NEBL: variants seen among roughly 807,000 people sequenced by gnomAD.
NEBL encodes nebulette, also known as LIM and SH3 protein 2.
In NEBL, 122 loss-of-function variants were observed where a neutral mutation model predicts 140.2. The observed-to-expected ratio is 0.87, with a 90% confidence interval of 0.75 to 1.01. The LOEUF (loss-of-function observed/expected upper bound fraction) is 1.01, where lower values mean the gene tolerates loss of function less well. Among genes scored for constraint, NEBL ranks in the 50% least tolerant of loss-of-function variants. NEBL has a pLI of 0.00. For synonymous variants in NEBL, 436 were observed against 398.9 expected, an observed-to-expected ratio of 1.09 and a Z score of -1.11; for missense variants, 1,365 against 1,231.3, an observed-to-expected ratio of 1.11 and a Z score of -1.62.
At chr10:21,289,050 T>TC (rs1453569134) in intron 1 of NEBL, among the ~76,000 whole-genome samples, 1 of 151,146 alleles carries the variant, frequency 6.6e-6, no homozygotes, top group Non-Finnish European at 1.5e-5. Context: ...GGTTTCACCA[T>TC]CTTGGCCAGG....
At chr10:21,175,586 A>T (rs866985066), upstream of NEBL, among the ~76,000 whole-genome samples, 1 of 152,356 alleles carries the variant, frequency 6.6e-6, no homozygotes, top group Middle Eastern at 3.4e-3. Context: ...TGATGGACAT[A>T]TTCATAATAA....
At chr10:20,969,903 C>T (rs547202090) in intron 3 of NEBL, among the ~76,000 whole-genome samples, 5 of 152,184 alleles carry the variant, frequency 3.3e-5, no homozygotes, top group East Asian at 3.9e-4. Context: ...ACCCCTAAGA[C>T]ACTCAAGTGT....
In NEBL at chr10:21,117,668, G is replaced by A. The variant is rs945519425; in HGVS notation, c.164+54715C>T. The stretch of plus-strand genomic sequence containing the variant: ...TGCCTAGTTATTCTTAGTATGTTAC[G>A]TTGAGAGAGTAATTTCAATCCTTTT... On this transcript the variant is annotated intron_variant, in intron 2 of 6. Coordinates refer to the NEBL transcript ENST00000417816. 5.3e-5 allele frequency among the ~76,000 whole-genome samples: 8 copies of A among 152,216 alleles called. No homozygotes were observed. The Middle Eastern group carries it at 0.01, about 194-fold the overall frequency.
intron 11 of NEBL, among the ~76,000 whole-genome samples, chr10:20,845,815 G>A (rs1841881715): frequency 6.6e-6 from 1 of 152,118 alleles, no homozygotes; most frequent in Non-Finnish European, 1.5e-5. Context: ...TTCTTCATCA[G>A]ACTTTTGCAA....
At chr10:21,047,677 T>TA (rs1834583144) in intron 2 of NEBL, among the ~76,000 whole-genome samples, 1 of 152,164 alleles carries the variant, frequency 6.6e-6, no homozygotes, top group South Asian at 2.1e-4. Flanking sequence ...AATCTGTGCC[T>TA]AAAATAACCT....
At chr10:21,142,962 T>G (rs1207249058) in intron 2 of NEBL, among the ~76,000 whole-genome samples, 2 of 152,152 alleles carry the variant, frequency 1.3e-5, no homozygotes, top group Non-Finnish European at 2.9e-5. Context: ...TTCAGGTAGT[T>G]ATACAGTGGT....
At chr10:21,121,171 T>C (rs1838555758) in intron 2 of NEBL, among the ~76,000 whole-genome samples, 1 of 152,164 alleles carries the variant, frequency 6.6e-6, no homozygotes, top group South Asian at 2.1e-4. Context: ...ATTCCTTATC[T>C]CAAATGGCTT....
intron 2 of NEBL, chr10:21,030,441 C>G: frequency 1.5e-6 from 1 of 669,280 alleles, no homozygotes; most frequent in South Asian, 1.4e-5. Context: ...GACTGTCACT[C>G]TCCAACTTCT....
chr10:21,143,385 G>T (rs909907899), intron 2 of NEBL, among the ~76,000 whole-genome samples: 1 of 138,106 alleles, frequency 7.2e-6, no homozygotes, highest in African/African-American at 2.8e-5. Context: ...GGACGTGGAG[G>T]TTGCAGAGAG....
chr10:20,793,521 T>C (rs1488135887), intron 26 of NEBL: 1 of 172,762 alleles, frequency 5.8e-6, no homozygotes, highest in Non-Finnish European at 1.1e-5. Context: ...GTAAAGGAAA[T>C]TGCATAATGG....
chr10:21,124,468 A>C (rs147802640), intron 2 of NEBL, among the ~76,000 whole-genome samples: 157 of 152,290 alleles, frequency 1.0e-3, no homozygotes, highest in African/African-American at 3.3e-3. Context: ...ACAGAGTGGC[A>C]GTTTCTCCCT....
chr10:21,118,244 C>T (rs1025072563), intron 2 of NEBL, among the ~76,000 whole-genome samples: 1 of 152,088 alleles, frequency 6.6e-6, no homozygotes, highest in Non-Finnish European at 1.5e-5. Flanking sequence ...TTCCATAATC[C>T]CTTCCTTATC....
intron 4 of NEBL, among the ~76,000 whole-genome samples, chr10:20,940,931 G>C (rs2131565547): frequency 6.6e-6 from 1 of 152,282 alleles, no homozygotes; most frequent in South Asian, 2.1e-4. Flanking sequence ...CTCTGAAATT[G>C]AGGCAATAAT....
At chr10:21,099,801 CA>C (rs1218325721) in intron 2 of NEBL, among the ~76,000 whole-genome samples, 1 of 152,110 alleles carries the variant, frequency 6.6e-6, no homozygotes, top group East Asian at 1.9e-4. Context: ...TGCAAGTGTT[CA>C]CTGTTGCACA....
chr10:21,174,112 G>T, exon 1 of NEBL: 3 of 844,440 alleles, frequency 3.6e-6, no homozygotes, highest in South Asian at 5.4e-5. Context: ...CTCCAGGTAC[G>T]GGTGACTCAC....
intron 3 of NEBL, among the ~76,000 whole-genome samples, chr10:20,981,366 C>T (rs1837031741): frequency 1.3e-5 from 2 of 151,550 alleles, no homozygotes; most frequent in South Asian, 2.1e-4. Flanking sequence ...ATTTATCTCA[C>T]CCCCTTCCTA....
At chr10:21,161,430 A>C (rs1310638667) in intron 2 of NEBL, among the ~76,000 whole-genome samples, 1 of 152,114 alleles carries the variant, frequency 6.6e-6, no homozygotes. Flanking sequence ...CCATGCCCCC[A>C]ACAAAGCTAG....
intron 26 of NEBL, among the ~76,000 whole-genome samples, chr10:20,796,704 C>T (rs138421324): frequency 1.9e-3 from 291 of 152,240 alleles, no homozygotes; most frequent in African/African-American, 6.7e-3. Context: ...TTCGAATTGC[C>T]ACTTCCATTT....
intron 2 of NEBL, among the ~76,000 whole-genome samples, chr10:21,075,545 C>T (rs1373596720): frequency 6.6e-6 from 1 of 152,164 alleles, no homozygotes; most frequent in Non-Finnish European, 1.5e-5. Context: ...GTTGCTTTGT[C>T]CTTGCTGAGC....
Sources: allele counts gnomAD v4.1 joint callset (sites outside exome capture counted in the v4.1 genomes callset), GRCh38; gene constraint gnomAD v4.1.1; transcripts MANE v1.5; gene names NCBI Gene and HGNC (gene_info 2026-07-23, HGNC 2026-07-21).